RBM17: variants seen among roughly 807,000 people sequenced by gnomAD.
RBM17 encodes RNA binding motif protein 17, also known as splicing factor 45.
RBM17 carries 7 observed loss-of-function variants against 53.2 expected under a neutral mutation model. The observed-to-expected ratio is 0.13, with a 90% CI of 0.07 to 0.25. The LOEUF (loss-of-function observed/expected upper bound fraction) is 0.25, where lower values mean the gene tolerates loss of function less well. RBM17 is among the 10% of genes least tolerant of loss of function. The pLI, the probability that RBM17 is intolerant of heterozygous loss-of-function variation, is 1.00. For missense variants in RBM17, 257 were observed against 496.7 expected, an observed-to-expected ratio of 0.52 and a Z score of 4.59; for synonymous variants, 167 against 178.1, an observed-to-expected ratio of 0.94 and a Z score of 0.50.
intron 4 of RBM17, among the ~76,000 whole-genome samples, chr10:6,105,562 G>A (rs978437548): frequency 2.6e-5 from 4 of 152,154 alleles, no homozygotes; most frequent in Non-Finnish European, 4.4e-5. Flanking sequence ...CAGGCATTTG[G>A]AATAAGGGAT....
chr10:6,116,602 G>A lies in RBM17; in HGVS notation c.*1046G>A, dbSNP rs527281102. On this transcript the variant is annotated 3_prime_UTR_variant, in exon 12 of 12. Transcript: ENST00000379888. Reference sequence around the variant, plus strand: ...GTATTTCCAGAAAATACTCATGCCTGTGTTCTGTTCCTTGCTTTCCCAAAT... The same window carrying A: ...GTATTTCCAGAAAATACTCATGCCTATGTTCTGTTCCTTGCTTTCCCAAAT... The A allele has an allele frequency of 1.3e-5, 2 of 152,410 alleles. No homozygotes were observed. Among genetic ancestry groups the A allele is most frequent in the African/African-American group, 2.4e-5 (1 of 41,538 alleles). The allele number at this position is 152,410 out of a possible 1,614,324, so 9.4% of individuals were successfully genotyped here.
chr10:6,114,767 A>G (rs1840891115), intron 10 of RBM17: 1 of 160,952 alleles, frequency 6.2e-6, no homozygotes, highest in Admixed American at 6.0e-5. Flanking sequence ...GATCAGGACT[A>G]CCAAAATGGA....
intron 10 of RBM17, chr10:6,114,406 G>A (rs1324415996): frequency 1.7e-5 from 6 of 354,172 alleles, no homozygotes; most frequent in South Asian, 2.5e-5. Flanking sequence ...TGATTCTAGC[G>A]TGCTCAGTAG....
At chr10:6,093,508 C>G (rs1466610090) in intron 1 of RBM17, among the ~76,000 whole-genome samples, 1 of 152,170 alleles carries the variant, frequency 6.6e-6, no homozygotes, top group Non-Finnish European at 1.5e-5. Flanking sequence ...CATGAGCCAC[C>G]GCAGCCGGCC....
At chr10:6,104,794 T>G in intron 3 of RBM17, 137 bp from the exon 4 acceptor site, 1 of 691,466 alleles carries the variant, frequency 1.4e-6, no homozygotes, top group South Asian at 2.7e-5. Context: ...GGTATTTGTT[T>G]TCTTTGTCTT....
Position 6,101,337 on chromosome 10 carries a change from G to C in RBM17, c.190G>C (p.Asp64His). The C allele has an allele frequency of 6.2e-7, 1 of 1,613,768 alleles. No individual in the cohort carries two copies. The highest frequency in any genetic ancestry group is 2.2e-5 in the East Asian group (1 of 44,868). The change falls in exon 3 of 12, where the codon GAT (aspartate) becomes CAT (histidine). Residue 64 changes from aspartate (D) to histidine (H), a missense_variant. Physicochemically the swap from Asp to His is moderately conservative, Grantham distance 81. Around this residue, in one of 6 missense-constraint regions of RBM17, gnomAD observed 127 missense variants for 217.2 expected, o/e 0.58. Coordinates refer to ENST00000379888, the MANE Select transcript of RBM17 (RefSeq NM_032905.5). ...TGACCTGAAGCGAGGTGGCTCCTCA[G>C]ATGACCGGCAAATTGTGGACACTCC... Reference protein sequence around the residue: ...VIDLKRGGSSDDRQIVDTPPH... With the variant: ...VIDLKRGGSSHDRQIVDTPPH...
At chr10:6,106,624 C>T (rs1256704207) in intron 5 of RBM17, among the ~76,000 whole-genome samples, 4 of 152,164 alleles carry the variant, frequency 2.6e-5, no homozygotes, top group African/African-American at 4.8e-5. Context: ...ATTTCATATC[C>T]GCTATCTTAG....
At chr10:6,090,129 G>T (rs2132933770) in intron 1 of RBM17, among the ~76,000 whole-genome samples, 1 of 152,252 alleles carries the variant, frequency 6.6e-6, no homozygotes, top group South Asian at 2.1e-4. Context: ...GAGTAGTCAG[G>T]TCAGAACATG....
chr10:6,092,044 C>G (rs79399767), intron 1 of RBM17, among the ~76,000 whole-genome samples: 4,050 of 152,228 alleles, frequency 0.027, 173 homozygotes, highest in African/African-American at 0.093. Flanking sequence ...CTGGCAGAAC[C>G]ATGTTTGTTA....
At chr10:6,104,859 T>G (rs1055735986) in intron 3 of RBM17, 72 bp from the exon 4 acceptor site, 7 of 1,347,992 alleles carry the variant, frequency 5.2e-6, no homozygotes, top group Non-Finnish European at 6.3e-6. Flanking sequence ...TCCCATACGC[T>G]TTGACCTGAA....
chr10:6,092,913 G>C (rs995465575), intron 1 of RBM17, among the ~76,000 whole-genome samples: 1 of 152,174 alleles, frequency 6.6e-6, no homozygotes, highest in Non-Finnish European at 1.5e-5. Context: ...TGAAACTTTT[G>C]CGCAATGCAG....
At chr10:6,103,554 A>G (rs995685209) in intron 3 of RBM17, among the ~76,000 whole-genome samples, 1 of 152,132 alleles carries the variant, frequency 6.6e-6, no homozygotes, top group African/African-American at 2.4e-5. Context: ...GTGCTTTTGT[A>G]TTTTTTAAAT....
intron 1 of RBM17, among the ~76,000 whole-genome samples, chr10:6,095,266 G>T (rs1375857464): frequency 6.6e-6 from 1 of 151,798 alleles, no homozygotes; most frequent in African/African-American, 2.4e-5. Flanking sequence ...AGGCTGGAGT[G>T]CAGTGGTGTG....
At chr10:6,104,902 A>T (rs1489942534) in intron 3 of RBM17, 29 bp from the exon 4 acceptor site, 11 of 1,601,466 alleles carry the variant, frequency 6.9e-6, no homozygotes, top group Non-Finnish European at 9.4e-6. Flanking sequence ...TATAAAGAGG[A>T]TTCTTACTGC....
At chr10:6,115,368 T>A in intron 11 of RBM17, 57 bp downstream of exon 11, 1 of 1,537,520 alleles carries the variant, frequency 6.5e-7, no homozygotes, top group Non-Finnish European at 9.0e-7. Context: ...AGCCTTAATC[T>A]TTACAAGTAA....
rs1840867788 is a variant in RBM17 at position 6,113,364 on chromosome 10, C to T, written c.857-144C>T. On this transcript the variant is annotated intron_variant, in intron 8 of 11. Coordinates refer to ENST00000379888, the MANE Select transcript of RBM17 (RefSeq NM_032905.5). ...TAAGGCTGTGTTTTCGCTCAGAGAC[C>T]AATTGTGTAGATGCCTAGGACATAA... is the stretch of plus-strand genomic sequence containing the variant. 5.0e-6 allele frequency: 3 copies of T among 599,164 alleles called. No homozygotes were observed. The East Asian group carries it at 8.3e-5, about 17-fold the overall frequency. The allele number at this position is 599,164 out of a possible 1,614,324, so 37.1% of individuals were successfully genotyped here.
intron 5 of RBM17, 87 bp from the exon 6 acceptor site, chr10:6,108,599 G>T (rs73605992): frequency 0.033 from 33,071 of 1,004,032 alleles, 1,460 homozygotes; most frequent in Admixed American, 0.17. Flanking sequence ...TCTTAGGGGG[G>T]TGGGTGATAG....
intron 5 of RBM17, chr10:6,108,374 TTAAG>T: frequency 7.8e-6 from 3 of 384,900 alleles, no homozygotes; most frequent in Non-Finnish European, 1.4e-5. Flanking sequence ...TACTCTCTTT[TTAAG>T]TAACTGCTGG....
At chr10:6,097,931 G>T (rs946003314) in intron 2 of RBM17, among the ~76,000 whole-genome samples, 7 of 152,200 alleles carry the variant, frequency 4.6e-5, no homozygotes, top group African/African-American at 1.7e-4. Flanking sequence ...GAATACCTAA[G>T]CTGCTGCGTG....
Sources: gnomAD v4.1 joint callset for allele counts (sites outside exome capture counted in the v4.1 genomes callset) on GRCh38, gnomAD v4.1.1 for gene constraint, gnomAD v4.1.1 regional missense constraint, MANE v1.5 for transcripts, NCBI Gene and HGNC (gene_info 2026-07-23, HGNC 2026-07-21) for gene names.